The following MYBPC1 variants were observed in gnomAD, a reference collection of about 807,000 sequenced individuals.
The protein encoded by MYBPC1 is myosin-binding protein C, slow-type.
MYBPC1 carries 52 observed loss-of-function variants against 147.1 expected under a neutral mutation model. The observed-to-expected ratio is 0.35, with a 90% CI of 0.28 to 0.45. The LOEUF is 0.45. MYBPC1 is among the 20% of genes least tolerant of loss of function. The probability of loss-of-function intolerance (pLI) is 1.00; values close to 1 mark genes in which losing one functional copy is unlikely to be tolerated. For synonymous variants in MYBPC1, 477 were observed against 475.9 expected (o/e 1.00, Z -0.03); for missense variants, 1,228 against 1,440.3 (o/e 0.85, Z 2.39).
At chr12:101,595,691 T>C (rs983350869) in intron 1 of MYBPC1, among the ~76,000 whole-genome samples, 4 of 152,150 alleles carry the variant, frequency 2.6e-5, no homozygotes, top group African/African-American at 9.6e-5. Flanking sequence ...TAAAAAAGGA[T>C]GTCCCTGAAT....
At position 101,659,783 on chromosome 12, in the gene MYBPC1, A is replaced by G. The variant is rs1896214405; in HGVS notation, c.1879A>G (p.Lys627Glu). 1 of 1,614,164 alleles carries G rather than the reference A, an allele frequency of 6.2e-7. No homozygotes were observed. Among genetic ancestry groups the G allele is most frequent in the East Asian group, 2.2e-5 (1 of 44,876 alleles). ...CTCTGGTGTTTACCACATCAATCTGAAAAACGAAGCTGGAGAGGCACATGC... is the reference window on the plus strand; with the variant it reads ...CTCTGGTGTTTACCACATCAATCTGGAAAACGAAGCTGGAGAGGCACATGC... ...DDSGVYHINL[K>E]NEAGEAHASI... is the part of the protein sequence containing the mutation. The change falls in exon 19 of 32, where the codon AAA (lysine) becomes GAA (glutamate). Residue 627 changes from lysine to glutamate, a missense_variant. Physicochemically the swap from Lys to Glu is moderately conservative, Grantham distance 56 (BLOSUM62 1). This residue lies in a region of MYBPC1 where 1,077 missense variants were observed against 1,314.2 expected (regional missense o/e 0.82). Coordinates refer to ENST00000361466, the MANE Select transcript of MYBPC1 (RefSeq NM_002465.4).
At chr12:101,693,695 G>A in the MYBPC1 span, among the ~76,000 whole-genome samples, 903 of 152,236 alleles carry the variant, frequency 5.9e-3, 16 homozygotes, top group African/African-American at 0.019. Context: ...TTCAGATTGC[G>A]CCACTGCACT....
chr12:101,666,963 G>C (rs558568073), intron 22 of MYBPC1, among the ~76,000 whole-genome samples: 2 of 151,774 alleles, frequency 1.3e-5, no homozygotes, highest in South Asian at 4.2e-4. Flanking sequence ...ATGGGGGAGA[G>C]GGAGCAGTGA....
chr12:101,617,816 A>T (rs530246622), intron 3 of MYBPC1, among the ~76,000 whole-genome samples: 1 of 152,312 alleles, frequency 6.6e-6, no homozygotes, highest in African/African-American at 2.4e-5. Context: ...TTATATGGAG[A>T]TAGTCTCATT....
At chr12:101,602,148 C>T (rs1593587915) in intron 1 of MYBPC1, among the ~76,000 whole-genome samples, 1 of 152,214 alleles carries the variant, frequency 6.6e-6, no homozygotes, top group South Asian at 2.1e-4. Flanking sequence ...GTGAATAAAA[C>T]AGTATCAACT....
chr12:101,627,921 G>A (rs1420794599), intron 5 of MYBPC1, 117 bp downstream of exon 5: 14 of 1,214,538 alleles, frequency 1.2e-5, no homozygotes, highest in South Asian at 2.5e-5. Context: ...TAGTTTTTAC[G>A]GCAATCTTTC....
At chr12:101,659,541 C>A (rs1896167659) in intron 18 of MYBPC1, 131 bp from the exon 19 acceptor site, 7 of 932,044 alleles carry the variant, frequency 7.5e-6, no homozygotes, top group Non-Finnish European at 1.0e-5. Context: ...ACTATATAGT[C>A]CACCAAATAC....
At chr12:101,615,425 C>T (rs1211223563) in intron 2 of MYBPC1, among the ~76,000 whole-genome samples, 1 of 152,060 alleles carries the variant, frequency 6.6e-6, no homozygotes, top group Non-Finnish European at 1.5e-5. Context: ...TAGGTATTTA[C>T]CCTGTGCACA....
At chr12:101,599,255 T>C (rs17031649) in intron 1 of MYBPC1, among the ~76,000 whole-genome samples, 10,566 of 152,290 alleles carry the variant, frequency 0.069, 723 homozygotes, top group African/African-American at 0.18. Flanking sequence ...CTTATCCATC[T>C]TGGTCTACAT....
At chr12:101,682,763 T>C in intron 30 of MYBPC1, 101 bp downstream of exon 30, 1 of 1,143,382 alleles carries the variant, frequency 8.7e-7, no homozygotes, top group Non-Finnish European at 1.3e-6. Context: ...TCATTTGCTT[T>C]TAATTGTACC....
rs1211852356 is a variant in MYBPC1 at position 101,627,791 on chromosome 12, G to T, written c.165G>T (p.Glu55Asp). The change falls in exon 5 of 32, where the codon GAG becomes GAT. Residue 55 changes from glutamate to aspartate, a missense_variant. Physicochemically the swap from Glu to Asp is conservative, Grantham distance 45. Coordinates refer to ENST00000361466, the MANE Select transcript of MYBPC1 (RefSeq NM_002465.4). ...CAGGTTTGGGTAGTCGGGCCCTGGA[G>T]AGAAAAGATTCAGGTGAGCGCAAGC... ...LPPGLGSRAL[E>D]RKDSDWTLVE... The T allele has an allele frequency of 6.2e-7, 1 of 1,613,824 alleles. No individual in the cohort carries two copies.
At chr12:101,665,920 G>A (rs1275692794) in intron 22 of MYBPC1, among the ~76,000 whole-genome samples, 2 of 152,272 alleles carry the variant, frequency 1.3e-5, no homozygotes, top group East Asian at 1.9e-4. Flanking sequence ...CTTACTAGCT[G>A]CCAGGATATT....
intron 24 of MYBPC1, 95 bp from the exon 25 acceptor site, chr12:101,673,332 A>C (rs895087201): frequency 1.2e-5 from 16 of 1,292,240 alleles, no homozygotes; most frequent in Admixed American, 1.0e-4. Flanking sequence ...AGCCCTGCCT[A>C]GAATGGGTTA....
At chr12:101,688,143 G>A (rs1191265200), downstream of MYBPC1, among the ~76,000 whole-genome samples, 1 of 152,142 alleles carries the variant, frequency 6.6e-6, no homozygotes, top group Non-Finnish European at 1.5e-5. Context: ...TTTTAGGCTG[G>A]GCACGGTGGC....
intron 18 of MYBPC1, 56 bp downstream of exon 18, chr12:101,653,304 C>T: frequency 6.3e-7 from 1 of 1,595,860 alleles, no homozygotes; most frequent in Non-Finnish European, 8.5e-7. Context: ...AGACACACTG[C>T]CTACCCCACC....
the MYBPC1 span, among the ~76,000 whole-genome samples, chr12:101,692,244 A>G: frequency 6.6e-6 from 1 of 152,204 alleles, no homozygotes; most frequent in Non-Finnish European, 1.5e-5. Flanking sequence ...GCTTCTGAAC[A>G]AGGGAATATT....
intron 22 of MYBPC1, among the ~76,000 whole-genome samples, chr12:101,667,216 A>G (rs558578116): frequency 1.6e-4 from 24 of 152,216 alleles, no homozygotes; most frequent in Non-Finnish European, 2.9e-4. Flanking sequence ...CTCTTCATCA[A>G]TGTGAATAAA....
At chr12:101,659,062 A>G (rs1896078201) in intron 18 of MYBPC1, among the ~76,000 whole-genome samples, 1 of 152,218 alleles carries the variant, frequency 6.6e-6, no homozygotes, top group South Asian at 2.1e-4. Flanking sequence ...AGAAAATAAA[A>G]GAAAGAAAAT....
chr12:101,668,893 C>A (rs934776174), intron 23 of MYBPC1, among the ~76,000 whole-genome samples: 1 of 152,072 alleles, frequency 6.6e-6, no homozygotes, highest in Non-Finnish European at 1.5e-5. Flanking sequence ...TTGAGACCAG[C>A]CTGGGGAACA....
Sources: allele counts gnomAD v4.1 joint callset (sites outside exome capture counted in the v4.1 genomes callset), GRCh38; gene constraint gnomAD v4.1.1; regional missense constraint gnomAD v4.1.1; transcripts MANE v1.5; gene names NCBI Gene and HGNC (gene_info 2026-07-23, HGNC 2026-07-21).